STX12: variants seen among roughly 807,000 people sequenced by gnomAD.
STX12 encodes the protein syntaxin 12.
A neutral mutation model predicts 42.2 loss-of-function variants in STX12; 17 were observed. The observed-to-expected ratio is 0.40, with a 90% CI of 0.28 to 0.60. The LOEUF (loss-of-function observed/expected upper bound fraction) is 0.60, where lower values mean the gene tolerates loss of function less well. STX12 is among the 20% of genes least tolerant of loss of function. The pLI is 0.39. For missense variants in STX12, 297 were observed against 330.9 expected (o/e 0.90, Z 0.79); for synonymous variants, 108 against 116.7 (o/e 0.93, Z 0.48).
chr1:27,773,381 T>G lies in STX12; in HGVS notation c.74T>G (p.Ile25Ser). The G allele has an allele frequency of 3.1e-6, 5 of 1,613,712 alleles. No individual in the cohort carries two copies. Among genetic ancestry groups the G allele is most frequent in the Non-Finnish European group, 2.5e-6 (3 of 1,179,758 alleles). ...CCCCAGCTCCGGGACTTCAGCAGCA[T>G]CATCCAGACGTGCAGCGGCAACATC... The part of the protein sequence containing the change: ...SGPQLRDFSS[I>S]IQTCSGNIQR... The change falls in exon 1 of 9, where the codon ATC becomes AGC. Residue 25 changes from isoleucine to serine, a missense_variant. By Grantham distance (142) the Ile-to-Ser change is moderately radical (BLOSUM62 -2). Transcript: ENST00000373943.
intron 1 of STX12, among the ~76,000 whole-genome samples, chr1:27,778,947 CG>C (rs761434038): frequency 6.6e-6 from 1 of 152,058 alleles, no homozygotes; most frequent in African/African-American, 2.4e-5. Context: ...TTTTTAGAGA[CG>C]GGGGTCTCGC....
At chr1:27,802,518 G>A (rs1308019282) in intron 4 of STX12, among the ~76,000 whole-genome samples, 2 of 152,186 alleles carry the variant, frequency 1.3e-5, no homozygotes, top group African/African-American at 2.4e-5. Context: ...GAGGGCAGGA[G>A]GGAGGAGAAA....
At chr1:27,774,610 T>C (rs561886642) in intron 1 of STX12, among the ~76,000 whole-genome samples, 17 of 152,170 alleles carry the variant, frequency 1.1e-4, no homozygotes, top group Non-Finnish European at 2.4e-4. Context: ...TCTCCCACTT[T>C]AGCCTCCCAA....
intron 1 of STX12, among the ~76,000 whole-genome samples, chr1:27,787,700 A>G (rs749216573): frequency 2.0e-5 from 3 of 151,954 alleles, no homozygotes; most frequent in Admixed American, 6.6e-5. Context: ...TGTCATTGGT[A>G]TTGTAAGGTA....
chr1:27,799,696 A>T (rs188005879), intron 3 of STX12, among the ~76,000 whole-genome samples: 16 of 151,986 alleles, frequency 1.1e-4, no homozygotes, highest in Admixed American at 2.6e-4. Context: ...TGTTAGCCAG[A>T]TGGTCTCCAT....
intron 5 of STX12, among the ~76,000 whole-genome samples, chr1:27,810,578 T>C (rs1031593214): frequency 2.6e-5 from 4 of 152,184 alleles, no homozygotes; most frequent in Non-Finnish European, 5.9e-5. Context: ...TGAACCTACA[T>C]GTCTACAGAT....
At chr1:27,789,514 T>C in intron 1 of STX12, 48 bp from the exon 2 acceptor site, 1 of 1,440,884 alleles carries the variant, frequency 6.9e-7, no homozygotes, top group Non-Finnish European at 9.6e-7. Context: ...GTACTCATGA[T>C]GAATGTATTT....
intron 7 of STX12, among the ~76,000 whole-genome samples, chr1:27,818,786 C>G (rs560467163): frequency 6.6e-6 from 1 of 152,054 alleles, no homozygotes. Flanking sequence ...TGTGCCACCA[C>G]GCCCGCTAAT....
At position 27,816,745 on chromosome 1, in the gene STX12, C is replaced by T. The variant is rs540492368; in HGVS notation, c.577-1106C>T. 4.6e-5 allele frequency among the ~76,000 whole-genome samples: 7 copies of T among 151,044 alleles called. No homozygotes were observed. In the South Asian group the frequency reaches 1.1e-3, roughly 23 times the overall value. On this transcript the variant is annotated intron_variant, in intron 6 of 8. Transcript: ENST00000373943. ...CAGCCTGGCCAACATGGTGAAACCC[C>T]GTCTCTACTAAAAATAAAAAATTAT...
Position 27,789,473 on chromosome 1 carries a change from A to G in STX12, c.119-89A>G. ...TTGCATGTATTAATACTTATTCTGA[A>G]TGGGAAGAGACCAGGAATCTTAGAA... On this transcript the variant is annotated intron_variant, in intron 1 of 8. Transcript: ENST00000373943. The G allele has an allele frequency of 5.3e-6, 5 of 946,794 alleles. No homozygotes were observed. In the South Asian group the frequency reaches 6.1e-5, roughly 12 times the overall value. 58.6% of individuals were successfully genotyped at this position (946,794 alleles called of 1,614,324 possible). A position where few individuals can be genotyped will look rare whatever the true frequency, so the allele number is the denominator to read the frequency against.
chr1:27,777,561 A>G (rs2088635537), intron 1 of STX12, among the ~76,000 whole-genome samples: 1 of 152,156 alleles, frequency 6.6e-6, no homozygotes, highest in Non-Finnish European at 1.5e-5. Flanking sequence ...TGTAGTACAT[A>G]CCATATCCTA....
intron 4 of STX12, among the ~76,000 whole-genome samples, chr1:27,807,956 T>C (rs2088875243): frequency 6.6e-6 from 1 of 152,218 alleles, no homozygotes; most frequent in African/African-American, 2.4e-5. Context: ...ATTCCATTTA[T>C]GTAAAGTTCA....
At chr1:27,810,048 A>C (rs575272613) in intron 4 of STX12, 198 bp from the exon 5 acceptor site, 8 of 517,280 alleles carry the variant, frequency 1.5e-5, no homozygotes, top group African/African-American at 1.5e-4. Context: ...TCAGGACTCA[A>C]ACTGGAATGC....
At chr1:27,794,594 T>C (rs1189425027) in intron 3 of STX12, among the ~76,000 whole-genome samples, 2 of 152,250 alleles carry the variant, frequency 1.3e-5, no homozygotes, top group African/African-American at 2.4e-5. Flanking sequence ...CATTGTGGCT[T>C]GACTTGTCAT....
At chr1:27,775,164 G>A (rs564048731) in intron 1 of STX12, among the ~76,000 whole-genome samples, 8 of 152,198 alleles carry the variant, frequency 5.3e-5, no homozygotes, top group South Asian at 2.1e-4. Context: ...ATCTATTTGC[G>A]AAATATTCAT....
intron 2 of STX12, among the ~76,000 whole-genome samples, chr1:27,792,949 T>A (rs2088759245): frequency 6.6e-6 from 1 of 152,196 alleles, no homozygotes; most frequent in Non-Finnish European, 1.5e-5. Context: ...AGGTAAGGCT[T>A]CTTTGTTTTG....
chr1:27,801,909 T>C, intron 4 of STX12, 94 bp downstream of exon 4: 3 of 1,466,076 alleles, frequency 2.0e-6, no homozygotes, highest in Non-Finnish European at 2.7e-6. Context: ...CCAATAAACA[T>C]GTAAGTTAGC....
At chr1:27,777,142 GTAATAA>G (rs148282813) in intron 1 of STX12, among the ~76,000 whole-genome samples, 3,401 of 152,258 alleles carry the variant, frequency 0.022, 62 homozygotes, top group Non-Finnish European at 0.034. Flanking sequence ...ATAATGTCAA[GTAATAA>G]TAAATGCTAT....
At chr1:27,812,862 C>T (rs2088913657) in intron 6 of STX12, among the ~76,000 whole-genome samples, 1 of 152,108 alleles carries the variant, frequency 6.6e-6, no homozygotes, top group African/African-American at 2.4e-5. Flanking sequence ...ACATGGAGAA[C>T]AGAACAAGGC....
Sources: gnomAD v4.1 joint callset for allele counts (sites outside exome capture counted in the v4.1 genomes callset) on GRCh38, gnomAD v4.1.1 for gene constraint, MANE v1.5 for transcripts, NCBI Gene and HGNC (gene_info 2026-07-23, HGNC 2026-07-21) for gene names.